The following COL23A1 variants were observed in gnomAD, a reference collection of about 807,000 sequenced individuals.
COL23A1 encodes the protein collagen alpha-1(XXIII) chain.
In COL23A1, 97 loss-of-function variants were observed where a neutral mutation model predicts 99.3. The observed-to-expected ratio is 0.98, with a 90% confidence interval of 0.83 to 1.16. COL23A1 has a LOEUF of 1.16. Ranked by LOEUF, COL23A1 falls within the 50% of genes most tolerant of loss-of-function variation. COL23A1 has a pLI of 0.00. For missense variants in COL23A1, 762 were observed against 757.4 expected, an observed-to-expected ratio of 1.01 and a Z score of -0.07; for synonymous variants, 320 against 308.2, an observed-to-expected ratio of 1.04 and a Z score of -0.40.
chr5:178,328,700 G>GA (rs992434179), intron 2 of COL23A1, among the ~76,000 whole-genome samples: 6 of 151,908 alleles, frequency 3.9e-5, no homozygotes, highest in South Asian at 2.1e-4. Flanking sequence ...CTAATTACTC[G>GA]AAAAAAAAGA....
chr5:178,433,138 T>G (rs955376987), intron 2 of COL23A1, among the ~76,000 whole-genome samples: 4 of 152,034 alleles, frequency 2.6e-5, no homozygotes, highest in African/African-American at 9.7e-5. Flanking sequence ...GAAGTTGGTA[T>G]GGACTCCGCA....
intron 2 of COL23A1, among the ~76,000 whole-genome samples, chr5:178,542,241 A>G (rs1028808897): frequency 1.3e-5 from 2 of 152,092 alleles, no homozygotes; most frequent in African/African-American, 4.8e-5. Flanking sequence ...TTTATTAGAG[A>G]CGGGGTTTTG....
intron 2 of COL23A1, among the ~76,000 whole-genome samples, chr5:178,416,134 G>A (rs1459919642): frequency 2.0e-5 from 3 of 152,120 alleles, no homozygotes; most frequent in African/African-American, 7.2e-5. Flanking sequence ...CTACATACTG[G>A]TGACCTACTG....
chr5:178,275,606 G>A (rs1025177828), intron 5 of COL23A1, among the ~76,000 whole-genome samples: 8 of 152,118 alleles, frequency 5.3e-5, no homozygotes, highest in Admixed American at 3.3e-4. Flanking sequence ...ACCCCTTCTC[G>A]GAACTGTTTT....
intron 2 of COL23A1, among the ~76,000 whole-genome samples, chr5:178,333,331 C>CATGGCCTT (rs1760141232): frequency 6.6e-6 from 1 of 152,210 alleles, no homozygotes; most frequent in Non-Finnish European, 1.5e-5. Flanking sequence ...TGGGTTTGGC[C>CATGGCCTT]TGTGGCTGCC....
In COL23A1 at chr5:178,428,611, G is replaced by A. The variant is rs551447543; in HGVS notation, c.362-121692C>T. Among the ~76,000 whole-genome samples the A allele has an allele frequency of 6.6e-6, 1 of 152,318 alleles. No homozygotes were observed. Among genetic ancestry groups the A allele is most frequent in the South Asian group, 2.1e-4 (1 of 4,828 alleles). Reference sequence around the variant, plus strand: ...CCCGGCCCAGGCCTTTTTAGCCCCCGAGCCAGGATGGCAGCCTCTTCTCCT... The same window carrying A: ...CCCGGCCCAGGCCTTTTTAGCCCCCAAGCCAGGATGGCAGCCTCTTCTCCT... On this transcript the variant is annotated intron_variant, in intron 2 of 28. Coordinates refer to ENST00000390654, the MANE Select transcript of COL23A1 (RefSeq NM_173465.4). This position sits in a 1 kb window ranked among gnomAD's most constrained non-coding sequence, Gnocchi z 5.0.
At chr5:178,388,117 C>T (rs2127747361) in intron 2 of COL23A1, among the ~76,000 whole-genome samples, 1 of 152,328 alleles carries the variant, frequency 6.6e-6, no homozygotes, top group South Asian at 2.1e-4. Flanking sequence ...TGTAAAGTTC[C>T]CAGCCTCAGA....
At chr5:178,469,881 G>C (rs1371250661) in intron 2 of COL23A1, among the ~76,000 whole-genome samples, 1 of 152,166 alleles carries the variant, frequency 6.6e-6, no homozygotes, top group Non-Finnish European at 1.5e-5. Context: ...AGGCCAGAAG[G>C]GAGCTTTCGT....
At chr5:178,505,748 A>C (rs1199031516) in intron 2 of COL23A1, among the ~76,000 whole-genome samples, 1 of 152,128 alleles carries the variant, frequency 6.6e-6, no homozygotes, top group African/African-American at 2.4e-5. Context: ...CAGACAAACA[A>C]AGCAGTGATG....
chr5:178,477,851 A>C (rs1461356345), intron 2 of COL23A1, among the ~76,000 whole-genome samples: 1 of 152,106 alleles, frequency 6.6e-6, no homozygotes, highest in Non-Finnish European at 1.5e-5. Flanking sequence ...GAAGTCTGCC[A>C]CTCTGATGCT....
intron 2 of COL23A1, among the ~76,000 whole-genome samples, chr5:178,435,811 G>C (rs529137597): frequency 6.6e-6 from 1 of 152,138 alleles, no homozygotes; most frequent in Non-Finnish European, 1.5e-5. Flanking sequence ...TCAACTTCCC[G>C]GACCTGTCAC....
At chr5:178,374,960 AAGTTTGCACACAAATGTTCAT>A (rs1476310955) in intron 2 of COL23A1, among the ~76,000 whole-genome samples, 2 of 152,188 alleles carry the variant, frequency 1.3e-5, no homozygotes, top group Non-Finnish European at 2.9e-5. Context: ...TATCCAGAAA[AAGTTTGCACACAAATGTTCAT>A]AGAAGCATAC....
chr5:178,260,765 G>C (rs1054048302), intron 11 of COL23A1, among the ~76,000 whole-genome samples: 2 of 152,194 alleles, frequency 1.3e-5, no homozygotes, highest in African/African-American at 2.4e-5. Context: ...TTGCACTCCA[G>C]CCTGGGCGAC....
chr5:178,261,585 G>A (rs555451021), intron 11 of COL23A1, 137 bp downstream of exon 11: 2 of 670,702 alleles, frequency 3.0e-6, no homozygotes, highest in Admixed American at 4.6e-5. Flanking sequence ...CTTGCCCATG[G>A]TCCAGGAATT....
chr5:178,505,979 GC>G (rs373201652), intron 2 of COL23A1, among the ~76,000 whole-genome samples: 2,672 of 152,230 alleles, frequency 0.018, 82 homozygotes, highest in African/African-American at 0.061. Context: ...AGGTAAACCA[GC>G]CCCCCAAGTC....
intron 2 of COL23A1, among the ~76,000 whole-genome samples, chr5:178,406,428 C>CTTTTTTTTTTTTTT (rs61274419): frequency 1.4e-5 from 2 of 142,038 alleles, no homozygotes; most frequent in Non-Finnish European, 1.5e-5. Context: ...TACCTACACT[C>CTTTTTTTTTTTTTT]TTTTTTTTTT....
chr5:178,496,683 GCCCATTCTAAGGACTA>G (rs560803677), intron 2 of COL23A1, among the ~76,000 whole-genome samples: 1 of 152,278 alleles, frequency 6.6e-6, no homozygotes, highest in African/African-American at 2.4e-5. Flanking sequence ...AGAGGAGGAA[GCCCATTCTAAGGACTA>G]AACAAGCCAA....
intron 2 of COL23A1, among the ~76,000 whole-genome samples, chr5:178,334,075 TG>T (rs2127650521): frequency 6.6e-6 from 1 of 152,260 alleles, no homozygotes; most frequent in South Asian, 2.1e-4. Context: ...CCCCATGCCC[TG>T]GGGATGTCCG....
At chr5:178,246,803 C>G (rs1284038779) in intron 22 of COL23A1, among the ~76,000 whole-genome samples, 1 of 152,234 alleles carries the variant, frequency 6.6e-6, no homozygotes, top group Non-Finnish European at 1.5e-5. Context: ...CTACGGCAAG[C>G]CTTGGACCCT....
Sources: allele counts gnomAD v4.1 joint callset (sites outside exome capture counted in the v4.1 genomes callset), GRCh38; gene constraint gnomAD v4.1.1; non-coding constraint Gnocchi (gnomAD v3.1); transcripts MANE v1.5; gene names NCBI Gene and HGNC (gene_info 2026-07-23, HGNC 2026-07-21).